Variants in TTC31 observed in about 807,000 individuals in gnomAD.
TTC31 encodes the protein tetratricopeptide repeat protein 31.
Under a neutral mutation model 60.4 loss-of-function variants are expected in TTC31, and 59 were observed. The observed-to-expected ratio is 0.98, with a 90% CI of 0.79 to 1.21. The LOEUF (loss-of-function observed/expected upper bound fraction) is 1.21. Among genes scored for constraint, TTC31 ranks in the 50% most tolerant of loss-of-function variants. The probability of loss-of-function intolerance (pLI) is 0.00; values close to 1 mark genes in which losing one functional copy is unlikely to be tolerated. For missense variants in TTC31, 672 were observed against 646.9 expected (o/e 1.04, Z -0.42); for synonymous variants, 225 against 249.6 (o/e 0.90, Z 0.93).
intron 8 of TTC31, 54 bp downstream of exon 8, chr2:74,491,726 G>A (rs1173579428): frequency 1.3e-6 from 2 of 1,587,032 alleles, no homozygotes; most frequent in Admixed American, 3.6e-5. Context: ...GGCACAAGGA[G>A]CTGCTGGGGA....
intron 2 of TTC31, among the ~76,000 whole-genome samples, chr2:74,486,663 C>A (rs2104145534): frequency 6.6e-6 from 1 of 152,230 alleles, no homozygotes; most frequent in South Asian, 2.1e-4. Context: ...GAGGCTGAGG[C>A]ACATGGATCA....
chr2:74,492,344 C>T lies in TTC31; in HGVS notation c.1060C>T (p.Gln354Ter), dbSNP rs201714190. The T allele has an allele frequency of 3.2e-5, 51 of 1,570,550 alleles. No homozygotes were observed. In the African/African-American group the frequency reaches 6.1e-4, roughly 19 times the overall value. ...TTCCTTCTGCCATGAGCGGTTGGGT[C>T]AGCCAGCGTGGGCCCTGGCTGATGC... ...NRSFCHERLG[Q>*]PAWALADAQV... The change falls in exon 11 of 13, where the codon CAG (glutamine) becomes TAG (stop). Residue 354 changes from glutamine (Q) to a stop codon, truncating the protein, a stop_gained. Transcript: ENST00000233623. LOFTEE classifies it high-confidence loss of function.
intron 2 of TTC31, among the ~76,000 whole-genome samples, chr2:74,487,219 CTGTT>C (rs937718158): frequency 8.5e-5 from 13 of 152,262 alleles, no homozygotes; most frequent in Non-Finnish European, 1.5e-4. Context: ...AAGGAAGTAC[CTGTT>C]TGTTTGTTTT....
chr2:74,486,330 T>C (rs1484076885), intron 2 of TTC31, among the ~76,000 whole-genome samples: 2 of 151,934 alleles, frequency 1.3e-5, no homozygotes, highest in African/African-American at 2.4e-5. Context: ...CCTGGCTCTG[T>C]CTCTATTGGA....
Position 74,491,581 on chromosome 2 carries a change from C to T in TTC31, c.785C>T (p.Pro262Leu), listed in dbSNP as rs1673893569. 6.2e-7 allele frequency: 1 copy of T among 1,614,186 alleles called. No homozygotes were observed. The highest frequency in any genetic ancestry group is 1.6e-4 in the Middle Eastern group (1 of 6,062). Residue 262 changes from proline to leucine, a missense_variant, in exon 8 of 13, where the codon CCC (proline) becomes CTC (leucine). By Grantham distance (98) the Pro-to-Leu change is moderately conservative (BLOSUM62 -3). Transcript: ENST00000233623. ...ARREKGLNQE[P>L]QGRGLALQKM... is the part of the protein sequence containing the mutation. ...AGAGAGAAGGGACTGAACCAGGAGC[C>T]CCAAGGCAGGGGTCTGGCCCTCCAG...
rs201110202 is a variant in TTC31, at chr2:74,493,009, C to T, written c.1351C>T (p.Leu451=). The change falls in exon 13 of 13, where the codon CTA becomes TTA. Residue 451 remains leucine (L), a synonymous_variant. Coordinates refer to ENST00000233623, the MANE Select transcript of TTC31 (RefSeq NM_022492.6). The part of the protein sequence containing the change: ...LPHAELAPSG[L]PSLRCPRSTA... ...CCATGCTGAGCTGGCACCCTCAGGC[C>T]TACCTTCCCTCAGGTGCCCTCGAAG... The T allele has an allele frequency of 8.2e-5, 133 of 1,614,210 alleles. No homozygotes were observed. The East Asian group carries it at 2.5e-3, about 30-fold the overall frequency.
chr2:74,485,879 C>T (rs1037330087), intron 2 of TTC31, among the ~76,000 whole-genome samples: 13 of 152,084 alleles, frequency 8.5e-5, no homozygotes, highest in Non-Finnish European at 1.6e-4. Flanking sequence ...GCTGGGATTA[C>T]AGGCTTGAGC....
chr2:74,493,031 G>A lies in TTC31; in HGVS notation c.1373G>A (p.Arg458Gln), dbSNP rs540328467. ...PSGLPSLRCP[R>Q]STALRSPGLS... ...GGCCTACCTTCCCTCAGGTGCCCTC[G>A]AAGCACTGCTTTGAGGTCCCCTGGC... The change falls in exon 13 of 13, where the codon CGA (arginine) becomes CAA (glutamine). Residue 458 changes from arginine to glutamine, a missense_variant. Arg to Gln is a conservative substitution (Grantham distance 43). Coordinates refer to ENST00000233623, the MANE Select transcript of TTC31 (RefSeq NM_022492.6). 4.3e-5 allele frequency: 70 copies of A among 1,614,106 alleles called. No individual in the cohort carries two copies. In the South Asian group the frequency reaches 4.6e-4, roughly 11 times the overall value.
rs746293654 is a variant in TTC31, at chr2:74,491,510, GTC to G, written c.718_719del (p.Leu240GlyfsTer83). ...DSLDLSSTFV[S>X]LALRKVGDWP... ...CACTGGATCTATCTAGCACTTTTGT[GTC>G]TCTGGCTTTGCGCAAGGTTGGGGAT... On this transcript the variant is annotated frameshift_variant, in exon 8 of 13. Transcript: ENST00000233623. LOFTEE classifies it high-confidence loss of function. 1 of 1,611,730 alleles carries G rather than the reference GTC, an allele frequency of 6.2e-7. No homozygotes were observed. The highest frequency in any genetic ancestry group is 1.1e-5 in the South Asian group (1 of 91,034).
At position 74,490,715 on chromosome 2, in the gene TTC31, A is replaced by G. The variant is rs1412320469; in HGVS notation, c.522A>G (p.Ala174=). ...AGGAGGAGCGCATGAAACAGAAAGCAGAGAAAAAGCGACTCAAGAAGAAGG... is the reference window on the plus strand; with the variant it reads ...AGGAGGAGCGCATGAAACAGAAAGCGGAGAAAAAGCGACTCAAGAAGAAGG... ...VAEEERMKQK[A]EKKRLKKKRQ... The change falls in exon 5 of 13, where the codon GCA becomes GCG. Residue 174 remains alanine (A), a synonymous_variant. Coordinates refer to ENST00000233623, the MANE Select transcript of TTC31 (RefSeq NM_022492.6). 5 of 1,613,232 alleles carry G rather than the reference A, an allele frequency of 3.1e-6. No homozygotes were observed. In the Admixed American group the frequency reaches 6.7e-5, roughly 22 times the overall value.
rs952073788 is a variant in TTC31, at chr2:74,483,317, T to C, written c.41-5T>C. On this transcript the variant is annotated splice_region_variant and splice_polypyrimidine_tract_variant and intron_variant, in intron 1 of 12. Coordinates refer to ENST00000233623, the MANE Select transcript of TTC31 (RefSeq NM_022492.6). Reference sequence around the variant, plus strand: ...CTGACGAGGCTCCGCCTTCCTTTCCTGTAGACTGCTCTCTACGGCCCAGCT... The same window carrying C: ...CTGACGAGGCTCCGCCTTCCTTTCCCGTAGACTGCTCTCTACGGCCCAGCT... The C allele has an allele frequency of 2.5e-6, 4 of 1,614,104 alleles. No homozygotes were observed. Among genetic ancestry groups the C allele is most frequent in the Admixed American group, 1.7e-5 (1 of 60,026 alleles).
chr2:74,491,421 C>T (rs763285218), intron 7 of TTC31, 46 bp downstream of exon 7: 1 of 1,613,934 alleles, frequency 6.2e-7, no homozygotes, highest in Admixed American at 1.7e-5. Context: ...CATTTTCCTC[C>T]TCCTCCTCCA....
At chr2:74,490,521 T>A in intron 4 of TTC31, 48 bp downstream of exon 4, 1 of 1,541,566 alleles carries the variant, frequency 6.5e-7, no homozygotes, top group Non-Finnish European at 8.8e-7. Context: ...GTTCTTTCAA[T>A]CCCTGTATCC....
rs559097846 is a variant in TTC31 at position 74,490,903 on chromosome 2, C to G, written c.546+164C>G. On this transcript the variant is annotated intron_variant, in intron 5 of 12. Transcript: ENST00000233623. ...GACTGGGGGGTCTCTCACAGGCCATCTGGTGCAGTGGTTCTGGAATCCTAC... is the reference window on the plus strand; with the variant it reads ...GACTGGGGGGTCTCTCACAGGCCATGTGGTGCAGTGGTTCTGGAATCCTAC... 15 of 894,294 alleles carry G rather than the reference C, an allele frequency of 1.7e-5. No individual in the cohort carries two copies. In the Admixed American group the frequency reaches 2.0e-4, roughly 12 times the overall value. The allele number at this position is 894,294 out of a possible 1,614,324, so 55.4% of individuals were successfully genotyped here.
chr2:74,487,123 T>C (rs1244019949), intron 2 of TTC31, among the ~76,000 whole-genome samples: 1 of 152,206 alleles, frequency 6.6e-6, no homozygotes, highest in Non-Finnish European at 1.5e-5. Flanking sequence ...CACAATGATA[T>C]TGGGGGACCA....
intron 2 of TTC31, among the ~76,000 whole-genome samples, chr2:74,483,940 T>TAA (rs558892375): frequency 1.5e-5 from 2 of 132,136 alleles, no homozygotes. Context: ...AGACTCTGTC[T>TAA]AAAAAAAAAA....
chr2:74,491,002 C>G, intron 5 of TTC31, 126 bp from the exon 6 acceptor site: 1 of 1,345,084 alleles, frequency 7.4e-7, no homozygotes, highest in Non-Finnish European at 1.0e-6. Context: ...GCTTTTTCAC[C>G]TGCAAAATGA....
In TTC31 at chr2:74,490,379, G is replaced by A. The variant is rs1196666722; in HGVS notation, c.368G>A (p.Cys123Tyr). Reference sequence around the variant, plus strand: ...TATCCTCCCCAAGAGTCTGAGCCCTGCCCTCAAAGCCCCTCTGCCTCTGCC... The same window carrying A: ...TATCCTCCCCAAGAGTCTGAGCCCTACCCTCAAAGCCCCTCTGCCTCTGCC... ...FLYPPQESEPCPQSPSASATF... is the reference protein window; with the variant it reads ...FLYPPQESEPYPQSPSASATF... The change falls in exon 4 of 13, where the codon TGC becomes TAC. Residue 123 changes from cysteine (C) to tyrosine (Y), a missense_variant. Cys to Tyr is a radical substitution (Grantham distance 194). Transcript: ENST00000233623. 2 of 1,613,966 alleles carry A rather than the reference G, an allele frequency of 1.2e-6. No individual in the cohort carries two copies. The highest frequency in any genetic ancestry group is 1.7e-6 in the Non-Finnish European group (2 of 1,180,018).
intron 12 of TTC31, 38 bp downstream of exon 12, chr2:74,492,785 A>G: frequency 6.2e-7 from 1 of 1,605,688 alleles, no homozygotes. Context: ...TGAGGCGGGT[A>G]TCAGGGAGAA....
Sources: allele counts gnomAD v4.1 joint callset (sites outside exome capture counted in the v4.1 genomes callset), GRCh38; gene constraint gnomAD v4.1.1; transcripts MANE v1.5; gene names NCBI Gene and HGNC (gene_info 2026-07-23, HGNC 2026-07-21).